Variants in NEGR1 observed in about 807,000 individuals in gnomAD.
The protein encoded by NEGR1 is IgLON family member 4.
NEGR1 carries 10 observed loss-of-function variants against 40.9 expected under a neutral mutation model. The ratio of observed to expected loss-of-function variants is 0.24; its 90% confidence interval spans 0.15 to 0.42. The LOEUF (loss-of-function observed/expected upper bound fraction) is 0.42, where lower values mean the gene tolerates loss of function less well. Ranked by LOEUF, NEGR1 falls within the 10% of genes least tolerant of loss-of-function variation. The probability of loss-of-function intolerance (pLI) is 1.00; values close to 1 mark genes in which losing one functional copy is unlikely to be tolerated. For missense variants in NEGR1, 352 were observed against 438.9 expected (o/e 0.80, Z 1.77); for synonymous variants, 185 against 166.8 (o/e 1.11, Z -0.84).
intron 3 of NEGR1, among the ~76,000 whole-genome samples, chr1:71,759,487 C>T (rs1213445387): frequency 6.7e-6 from 1 of 150,080 alleles, no homozygotes; most frequent in Non-Finnish European, 1.5e-5. Context: ...TTAGTAGACA[C>T]AGGACTTCAC....
chr1:72,031,881 GA>G (rs1407330709), intron 1 of NEGR1, among the ~76,000 whole-genome samples: 2 of 152,152 alleles, frequency 1.3e-5, no homozygotes, highest in African/African-American at 4.8e-5. Context: ...TCAAGAAGAG[GA>G]AGGGGTGCTT....
intron 1 of NEGR1, among the ~76,000 whole-genome samples, chr1:72,185,123 A>G (rs1285865812): frequency 1.3e-5 from 2 of 151,864 alleles, no homozygotes; most frequent in Non-Finnish European, 2.9e-5. Context: ...TTATCCATAC[A>G]TGCTTTTCTT....
intron 1 of NEGR1, among the ~76,000 whole-genome samples, chr1:72,264,147 A>C (rs1655559879): frequency 6.6e-6 from 1 of 151,426 alleles, no homozygotes; most frequent in South Asian, 2.1e-4. Flanking sequence ...CTGTGTAATC[A>C]TTAATATGGA....
intron 6 of NEGR1, among the ~76,000 whole-genome samples, chr1:71,540,813 G>C (rs1442078998): frequency 6.6e-6 from 1 of 151,700 alleles, no homozygotes; most frequent in Non-Finnish European, 1.5e-5. Context: ...GGTTCTGCAG[G>C]CTATACAGGA....
At chr1:71,948,568 T>C (rs1240414096) in intron 1 of NEGR1, among the ~76,000 whole-genome samples, 1 of 151,950 alleles carries the variant, frequency 6.6e-6, no homozygotes, top group African/African-American at 2.4e-5. Context: ...TGAGTATTTA[T>C]TATTACATGT....
chr1:71,817,576 T>A (rs1482684444), intron 2 of NEGR1, among the ~76,000 whole-genome samples: 1 of 151,978 alleles, frequency 6.6e-6, no homozygotes, highest in East Asian at 1.9e-4. Context: ...GGCTGGAAGA[T>A]GGCGTTTAGT....
chr1:71,544,247 G>C (rs1359115534), intron 6 of NEGR1, among the ~76,000 whole-genome samples: 2 of 151,596 alleles, frequency 1.3e-5, no homozygotes, highest in African/African-American at 4.8e-5. Context: ...ATTAATATTA[G>C]TTTTGCATCA....
intron 2 of NEGR1, among the ~76,000 whole-genome samples, chr1:71,791,001 G>A (rs1209505854): frequency 6.6e-6 from 1 of 151,784 alleles, no homozygotes; most frequent in Non-Finnish European, 1.5e-5. Context: ...AAAATAAGAG[G>A]GGAGGCAACA....
At chr1:71,704,131 G>A (rs1653803395) in intron 3 of NEGR1, among the ~76,000 whole-genome samples, 1 of 149,350 alleles carries the variant, frequency 6.7e-6, no homozygotes, top group Admixed American at 6.7e-5. Flanking sequence ...TGCAAGCCAA[G>A]AGAAAATAGA....
chr1:71,873,802 T>C (rs945779410), intron 2 of NEGR1, among the ~76,000 whole-genome samples: 1 of 152,130 alleles, frequency 6.6e-6, no homozygotes, highest in Admixed American at 6.6e-5. Context: ...TAGTTGAAAA[T>C]GAGCATTTGG....
chr1:72,128,373 T>A (rs1650111244), intron 1 of NEGR1, among the ~76,000 whole-genome samples: 1 of 152,114 alleles, frequency 6.6e-6, no homozygotes, highest in African/African-American at 2.4e-5. Flanking sequence ...AGTGCAGCAA[T>A]AAATCATGAA....
At chr1:72,105,502 G>A (rs545876119) in intron 1 of NEGR1, among the ~76,000 whole-genome samples, 29 of 151,960 alleles carry the variant, frequency 1.9e-4, no homozygotes, top group Middle Eastern at 3.4e-3. Context: ...CCAGGAGTTT[G>A]AGAAAAGTCT....
intron 2 of NEGR1, among the ~76,000 whole-genome samples, chr1:71,920,119 C>T (rs192495880): frequency 6.6e-6 from 1 of 152,296 alleles, no homozygotes; most frequent in East Asian, 1.9e-4. Flanking sequence ...GCTCAAACCA[C>T]CTCCAAGCCA....
chr1:72,178,093 G>A (rs1315596240), intron 1 of NEGR1, among the ~76,000 whole-genome samples: 1 of 151,922 alleles, frequency 6.6e-6, no homozygotes, highest in Non-Finnish European at 1.5e-5. Flanking sequence ...CAGTAAAACT[G>A]GCAGTCAAAG....
chr1:71,690,151 C>T (rs984985968), intron 4 of NEGR1, among the ~76,000 whole-genome samples: 3 of 151,954 alleles, frequency 2.0e-5, no homozygotes, highest in African/African-American at 7.2e-5. Context: ...ACAAAACACA[C>T]AAACGTGCAT....
chr1:71,624,393 G>A (rs1650702003), intron 4 of NEGR1, among the ~76,000 whole-genome samples: 3 of 151,858 alleles, frequency 2.0e-5, no homozygotes, highest in South Asian at 2.1e-4. Flanking sequence ...CAGCACAGTG[G>A]CCATAGTGTT....
rs373419972 is a variant in NEGR1 at position 71,611,099 on chromosome 1, G to A, written c.715C>T (p.Arg239Cys). 7 of 1,613,778 alleles carry A rather than the reference G, an allele frequency of 4.3e-6. No individual in the cohort carries two copies. The highest frequency in any genetic ancestry group is 1.7e-5 in the Admixed American group (1 of 60,022). ...EIKSGTVTPG[R>C]SGLIRCEGAG... ...CCTTCACATCTTATCAGGCCACTGC[G>A]TCCGGGGGTCACGGTGCCAGATTTA... The change falls in exon 5 of 7, where the codon CGC (arginine) becomes TGC (cysteine). Residue 239 changes from arginine (R) to cysteine (C), a missense_variant. By Grantham distance (180) the Arg-to-Cys change is radical (BLOSUM62 -3). Coordinates refer to ENST00000357731, the MANE Select transcript of NEGR1 (RefSeq NM_173808.3).
chr1:71,951,350 G>A (rs1242395149), intron 1 of NEGR1, among the ~76,000 whole-genome samples: 1 of 151,794 alleles, frequency 6.6e-6, no homozygotes, highest in Admixed American at 6.6e-5. Context: ...CTATTAATGG[G>A]CAGGCAACTG....
intron 6 of NEGR1, among the ~76,000 whole-genome samples, chr1:71,471,010 C>T (rs1387895096): frequency 6.6e-6 from 1 of 152,086 alleles, no homozygotes; most frequent in Non-Finnish European, 1.5e-5. Flanking sequence ...TTCTGTCTAT[C>T]AGGTATCTTT....
Sources: gnomAD v4.1 joint callset for allele counts (sites outside exome capture counted in the v4.1 genomes callset) on GRCh38, gnomAD v4.1.1 for gene constraint, MANE v1.5 for transcripts, NCBI Gene and HGNC (gene_info 2026-07-23, HGNC 2026-07-21) for gene names.